TPRG1: variants seen among roughly 807,000 people sequenced by gnomAD.
TPRG1 encodes the protein tumor protein p63 regulated 1.
Under a neutral mutation model 29.3 loss-of-function variants are expected in TPRG1, and 29 were observed. That is an observed-to-expected ratio of 0.99 (90% CI 0.74 to 1.35). The LOEUF is 1.35. Among genes scored for constraint, TPRG1 ranks in the 40% most tolerant of loss-of-function variants. The pLI is 0.00. For synonymous variants in TPRG1, 130 were observed against 116.8 expected, an observed-to-expected ratio of 1.11 and a Z score of -0.73; for missense variants, 327 against 335.0, an observed-to-expected ratio of 0.98 and a Z score of 0.19.
At position 189,112,119 on chromosome 3, in the gene TPRG1, T is replaced by C. The variant is rs773191753; in HGVS notation, c.-744+11915T>C. On this transcript the variant is annotated intron_variant, in intron 1 of 6. Coordinates refer to the TPRG1 transcript ENST00000412373. ...AATTACGCTAACTGATATTTGAATA[T>C]TGAAACTGCTTAGCATTTTTGGGAC... is the stretch of plus-strand genomic sequence containing the variant. Among the ~76,000 whole-genome samples the C allele has an allele frequency of 9.8e-4, 149 of 152,318 alleles. 1 individual carries two copies. Among genetic ancestry groups the C allele is most frequent in the South Asian group, 2.5e-3 (12 of 4,826 alleles).
upstream of TPRG1, among the ~76,000 whole-genome samples, chr3:189,097,729 T>C (rs911751595): frequency 6.6e-6 from 1 of 152,228 alleles, no homozygotes. Context: ...CCAGCAATTT[T>C]ACCTGCTGTT....
intron 4 of TPRG1, among the ~76,000 whole-genome samples, chr3:189,262,203 G>GGTATAAGTATAAGTATAA (rs59142894): frequency 0.065 from 9,230 of 141,462 alleles, 418 homozygotes; most frequent in African/African-American, 0.097. Context: ...GAGAAGACTT[G>GGTATAAGTATAAGTATAA]GTATAAGTAT....
intron 1 of TPRG1, among the ~76,000 whole-genome samples, chr3:189,197,745 A>G (rs1350872975): frequency 6.6e-6 from 1 of 152,262 alleles, no homozygotes; most frequent in Non-Finnish European, 1.5e-5. Context: ...AGATCTGGAT[A>G]TGTAGATTAA....
chr3:189,279,891 G>T (rs1462866260), intron 4 of TPRG1, among the ~76,000 whole-genome samples: 2 of 152,152 alleles, frequency 1.3e-5, no homozygotes, highest in East Asian at 1.9e-4. Flanking sequence ...AGTTATAGGG[G>T]TGTATGAATG....
chr3:189,103,228 T>A (rs1031990472), intron 1 of TPRG1, among the ~76,000 whole-genome samples: 17 of 152,234 alleles, frequency 1.1e-4, no homozygotes, highest in Non-Finnish European at 2.5e-4. Flanking sequence ...CAGTGTGCTC[T>A]ATGGCTGATT....
At chr3:189,194,213 T>G (rs1179446594) in intron 1 of TPRG1, among the ~76,000 whole-genome samples, 1 of 152,150 alleles carries the variant, frequency 6.6e-6, no homozygotes, top group African/African-American at 2.4e-5. Context: ...GGCACCTCAG[T>G]GGCCTAGGCT....
At chr3:189,025,863 GA>G (rs1713632480) in intron 4 of TPRG1, among the ~76,000 whole-genome samples, 1 of 152,296 alleles carries the variant, frequency 6.6e-6, no homozygotes, top group Middle Eastern at 3.4e-3. Context: ...CAGTGATCCA[GA>G]AAAAGTGCAA....
upstream of TPRG1, among the ~76,000 whole-genome samples, chr3:189,171,357 A>G (rs948327114): frequency 2.0e-5 from 3 of 152,270 alleles, no homozygotes; most frequent in Non-Finnish European, 4.4e-5. Flanking sequence ...ATAGATATTA[A>G]TGGATCATCA....
intron 1 of TPRG1, among the ~76,000 whole-genome samples, chr3:189,112,859 G>A (rs1295197792): frequency 6.6e-6 from 1 of 152,132 alleles, no homozygotes; most frequent in East Asian, 1.9e-4. Flanking sequence ...GGCGTTGCAG[G>A]CTCTTTTTCG....
chr3:189,130,577 A>T (rs1722997461), intron 2 of TPRG1, among the ~76,000 whole-genome samples: 1 of 152,252 alleles, frequency 6.6e-6, no homozygotes, highest in South Asian at 2.1e-4. Flanking sequence ...GAACACCAAT[A>T]GTCCCTTGAC....
intron 3 of TPRG1, among the ~76,000 whole-genome samples, chr3:189,237,346 C>T (rs754965659): frequency 6.6e-6 from 1 of 152,034 alleles, no homozygotes; most frequent in Non-Finnish European, 1.5e-5. Flanking sequence ...TCAGCCTACT[C>T]AGCTTGTACT....
intron 4 of TPRG1, among the ~76,000 whole-genome samples, chr3:189,302,562 C>T (rs1015863190): frequency 1.3e-5 from 2 of 152,208 alleles, no homozygotes; most frequent in African/African-American, 4.8e-5. Context: ...ATGTCATCCT[C>T]ATCAGTGGAA....
chr3:189,160,192 G>A (rs1727283799), intron 5 of TPRG1, among the ~76,000 whole-genome samples: 1 of 152,178 alleles, frequency 6.6e-6, no homozygotes, highest in East Asian at 1.9e-4. Context: ...TTCTGAAGGA[G>A]AAACGTGGAG....
At chr3:189,177,695 G>C (rs555482260) in intron 1 of TPRG1, among the ~76,000 whole-genome samples, 1 of 152,086 alleles carries the variant, frequency 6.6e-6, no homozygotes, top group East Asian at 1.9e-4. Flanking sequence ...AATGGGAAGG[G>C]GGGTGGTGAG....
At chr3:189,135,006 A>T (rs568370876) in intron 3 of TPRG1, among the ~76,000 whole-genome samples, 1 of 152,178 alleles carries the variant, frequency 6.6e-6, no homozygotes, top group Non-Finnish European at 1.5e-5. Context: ...GGTCCCTGAA[A>T]AGTTTTACTG....
intron 4 of TPRG1, among the ~76,000 whole-genome samples, chr3:189,035,435 G>A (rs2152131644): frequency 6.6e-6 from 1 of 152,248 alleles, no homozygotes; most frequent in East Asian, 1.9e-4. Flanking sequence ...ATTGACAAAT[G>A]TGACCTGATT....
chr3:189,179,983 G>T (rs1246574764), intron 1 of TPRG1, among the ~76,000 whole-genome samples: 3 of 152,158 alleles, frequency 2.0e-5, no homozygotes, highest in African/African-American at 7.2e-5. Flanking sequence ...CATGTGTCTG[G>T]GGAAGCCTCA....
chr3:189,236,313 C>G (rs547184775), intron 3 of TPRG1, among the ~76,000 whole-genome samples: 1 of 152,130 alleles, frequency 6.6e-6, no homozygotes, highest in Non-Finnish European at 1.5e-5. Flanking sequence ...ACCATTCAAC[C>G]AAAAGCTGCA....
intron 5 of TPRG1, among the ~76,000 whole-genome samples, chr3:189,164,606 TAAAAA>T (rs10576237): frequency 2.0e-5 from 3 of 147,858 alleles, no homozygotes; most frequent in Admixed American, 2.0e-4. Context: ...TGAAATAAGC[TAAAAA>T]AAAAAATAAA....
Sources: gnomAD v4.1 joint callset for allele counts (sites outside exome capture counted in the v4.1 genomes callset) on GRCh38, gnomAD v4.1.1 for gene constraint, MANE v1.5 for transcripts, NCBI Gene and HGNC (gene_info 2026-07-23, HGNC 2026-07-21) for gene names.